FOCAD: variants seen among roughly 807,000 people sequenced by gnomAD.
FOCAD encodes the protein focadhesin.
A neutral mutation model predicts 225.6 loss-of-function variants in FOCAD; 198 were observed. The ratio of observed to expected loss-of-function variants is 0.88; its 90% confidence interval spans 0.78 to 0.99. FOCAD has a LOEUF of 0.99. Ranked by LOEUF, FOCAD falls within the 50% of genes least tolerant of loss-of-function variation. The pLI is 0.00. For missense variants in FOCAD, 2,713 were observed against 2,123.6 expected (o/e 1.28, Z -5.46); for synonymous variants, 897 against 755.0 (o/e 1.19, Z -3.08).
intron 10 of FOCAD, among the ~76,000 whole-genome samples, chr9:20,782,594 T>A (rs1280129604): frequency 6.6e-6 from 1 of 152,214 alleles, no homozygotes; most frequent in East Asian, 1.9e-4. Context: ...TTTACCAGAC[T>A]TTTTTTGTTT....
At chr9:20,750,025 G>T (rs2131730967) in intron 5 of FOCAD, among the ~76,000 whole-genome samples, 1 of 152,226 alleles carries the variant, frequency 6.6e-6, no homozygotes, top group East Asian at 1.9e-4. Context: ...CTGTGCTGTT[G>T]ATGATATTAA....
At chr9:20,907,125 A>AT (rs1833046109) in intron 21 of FOCAD, 25 bp from the exon 22 acceptor site, 1 of 1,550,178 alleles carries the variant, frequency 6.5e-7, no homozygotes, top group East Asian at 2.2e-5. Flanking sequence ...GTAGCCTAAT[A>AT]TGTTGTGGTA....
chr9:20,961,824 A>G (rs1242966453), intron 35 of FOCAD, among the ~76,000 whole-genome samples: 2 of 152,056 alleles, frequency 1.3e-5, no homozygotes, highest in Non-Finnish European at 2.9e-5. Flanking sequence ...GTGCCATCCT[A>G]CTTTGTGGCC....
intron 5 of FOCAD, among the ~76,000 whole-genome samples, chr9:20,742,860 G>C (rs1827743692): frequency 6.6e-6 from 1 of 152,154 alleles, no homozygotes; most frequent in Admixed American, 6.5e-5. Context: ...TGGATACATA[G>C]GCTTGTCTTT....
intron 7 of FOCAD, among the ~76,000 whole-genome samples, chr9:20,767,011 T>C (rs1830107524): frequency 6.6e-6 from 1 of 151,974 alleles, no homozygotes; most frequent in African/African-American, 2.4e-5. Context: ...AATGTGATAT[T>C]CCCCTTCCTG....
chr9:20,800,885 T>C (rs1241246883), intron 11 of FOCAD, among the ~76,000 whole-genome samples: 1 of 152,210 alleles, frequency 6.6e-6, no homozygotes, highest in Non-Finnish European at 1.5e-5. Context: ...GTTCTGTTGC[T>C]GGTGAGGAGC....
At chr9:20,741,242 C>T (rs1388268831) in intron 5 of FOCAD, among the ~76,000 whole-genome samples, 1 of 152,142 alleles carries the variant, frequency 6.6e-6, no homozygotes, top group African/African-American at 2.4e-5. Context: ...CAGTATTTGA[C>T]AACACAGGTA....
intron 2 of FOCAD, chr9:20,716,178 G>A (rs1188681377): frequency 2.1e-6 from 1 of 472,210 alleles, no homozygotes; most frequent in Non-Finnish European, 4.6e-6. Context: ...CCTTCTACCT[G>A]GCTGGGTTGG....
chr9:20,959,241 C>T (rs973047055), intron 35 of FOCAD, among the ~76,000 whole-genome samples: 1 of 152,084 alleles, frequency 6.6e-6, no homozygotes, highest in Non-Finnish European at 1.5e-5. Context: ...GCCATCCTGA[C>T]TGGGGAGAGA....
At chr9:20,716,992 TA>T in intron 2 of FOCAD, among the ~76,000 whole-genome samples, 1 of 152,188 alleles carries the variant, frequency 6.6e-6, no homozygotes, top group Non-Finnish European at 1.5e-5. Flanking sequence ...TTCAATGAAA[TA>T]TGGTATGTTT....
chr9:20,691,672 G>A (rs1012383958), intron 1 of FOCAD, among the ~76,000 whole-genome samples: 6 of 151,000 alleles, frequency 4.0e-5, no homozygotes, highest in Admixed American at 6.6e-5. Context: ...TAGTAGAGAC[G>A]GGTTTCACCA....
intron 15 of FOCAD, 90 bp from the exon 16 acceptor site, chr9:20,862,488 T>A: frequency 7.1e-7 from 1 of 1,401,394 alleles, no homozygotes; most frequent in Non-Finnish European, 9.6e-7. Context: ...TTTCTTAAGT[T>A]TCCTTATAAT....
intron 35 of FOCAD, among the ~76,000 whole-genome samples, chr9:20,955,898 G>A (rs1232716596): frequency 1.3e-5 from 2 of 151,352 alleles, no homozygotes; most frequent in Non-Finnish European, 1.5e-5. Context: ...TCTTTCTAAT[G>A]CTAATATTAG....
In FOCAD at chr9:20,684,345, C is replaced by T. The variant is rs1202058946; in HGVS notation, c.-33+52C>T. The T allele has an allele frequency of 2.6e-5, 4 of 152,500 alleles. No individual in the cohort carries two copies. The East Asian group carries it at 7.7e-4, about 29-fold the overall frequency. The allele number at this position is 152,500 out of a possible 1,614,324, so 9.4% of individuals were successfully genotyped here. On this transcript the variant is annotated intron_variant, in intron 1 of 43. Transcript: ENST00000338382. ...CACCGCTGCACCCCTGCTCGGGAGC[C>T]GCCGGGTCGCGCCGCCTGCGGCCCG...
Position 20,912,102 on chromosome 9 carries a change from A to G in FOCAD, c.2719-764A>G, listed in dbSNP as rs535212701. ...CTGCTTGTGATATGTAAACTGGCAC[A>G]TCTACTTCTGATAATGGTTGGGCAT... On this transcript the variant is annotated intron_variant, in intron 22 of 43. Coordinates refer to ENST00000338382, the MANE Select transcript of FOCAD (RefSeq NM_001375567.1). Among the ~76,000 whole-genome samples, 3 of 152,270 alleles carry G rather than the reference A, an allele frequency of 2.0e-5. No individual in the cohort carries two copies. In the East Asian group the frequency reaches 5.8e-4, roughly 29 times the overall value.
intron 15 of FOCAD, among the ~76,000 whole-genome samples, chr9:20,852,453 A>G (rs981692535): frequency 1.4e-4 from 21 of 150,542 alleles, no homozygotes; most frequent in African/African-American, 5.1e-4. Flanking sequence ...TGTTATCCCC[A>G]GATCTGTGGA....
intron 6 of FOCAD, among the ~76,000 whole-genome samples, chr9:20,759,095 C>CCA (rs1829329182): frequency 6.6e-6 from 1 of 152,128 alleles, no homozygotes; most frequent in Non-Finnish European, 1.5e-5. Flanking sequence ...GAACTACAAA[C>CCA]CACTGCTCAA....
upstream of FOCAD, among the ~76,000 whole-genome samples, chr9:20,680,724 T>G (rs370326120): frequency 3.1e-4 from 47 of 152,296 alleles, no homozygotes; most frequent in African/African-American, 1.1e-3. Flanking sequence ...CCCAGCATTT[T>G]GGGAGGCCGA....
intron 9 of FOCAD, among the ~76,000 whole-genome samples, chr9:20,781,516 C>T (rs1295727199): frequency 6.6e-6 from 1 of 152,114 alleles, no homozygotes; most frequent in African/African-American, 2.4e-5. Context: ...ATCAATTTTT[C>T]AGTTATATAT....
Sources: gnomAD v4.1 joint callset for allele counts (sites outside exome capture counted in the v4.1 genomes callset) on GRCh38, gnomAD v4.1.1 for gene constraint, MANE v1.5 for transcripts, NCBI Gene and HGNC (gene_info 2026-07-23, HGNC 2026-07-21) for gene names.